The following GALC variants were observed in gnomAD, a reference collection of about 807,000 sequenced individuals.
The protein encoded by GALC is galactocerebrosidase.
In GALC, 77 loss-of-function variants were observed where a neutral mutation model predicts 91.8. That is an observed-to-expected ratio of 0.84 (90% confidence interval 0.70 to 1.01). The LOEUF is 1.01. GALC is among the 50% of genes least tolerant of loss of function. The pLI is 0.00. For synonymous variants in GALC, 357 were observed against 306.7 expected (o/e 1.16, Z -1.71); for missense variants, 882 against 855.9 (o/e 1.03, Z -0.38).
At chr14:87,954,909 T>A in intron 10 of GALC, 1 of 1,566,440 alleles carries the variant, frequency 6.4e-7, no homozygotes, top group Middle Eastern at 2.1e-4. Context: ...TGACTGTAGT[T>A]GATGGAAGAC....
chr14:87,985,936 A>G (rs1433840704), intron 4 of GALC, among the ~76,000 whole-genome samples: 1 of 152,176 alleles, frequency 6.6e-6, no homozygotes, highest in Non-Finnish European at 1.5e-5. Context: ...GAGTCCCAGA[A>G]CAGTAACCAG....
At chr14:87,965,477 G>T (rs144489967) in intron 9 of GALC, 28 bp downstream of exon 9, 45 of 1,611,124 alleles carry the variant, frequency 2.8e-5, no homozygotes, top group Non-Finnish European at 3.8e-5. Context: ...GAAGAATTTA[G>T]GGAGTGAGAG....
At chr14:87,947,579 T>C in intron 13 of GALC, 149 bp downstream of exon 13, 2 of 750,156 alleles carry the variant, frequency 2.7e-6, no homozygotes, top group Non-Finnish European at 2.3e-6. Context: ...TGCAAAAAAT[T>C]AGCCCTCCTT....
intron 14 of GALC, 34 bp from the exon 15 acceptor site, chr14:87,941,592 A>T: frequency 7.4e-7 from 1 of 1,358,942 alleles, no homozygotes; most frequent in South Asian, 1.2e-5. Context: ...GTACTCTTTA[A>T]AATATGCCCT....
At position 87,934,728 on chromosome 14, in the gene GALC, A is replaced by T; in HGVS notation, c.*4T>A. ...CAGAGTATTCTATGATGCCCTGTTA[A>T]GTATTAGCGTGTGGCTTCCACAAGA... On this transcript the variant is annotated 3_prime_UTR_variant, in exon 17 of 17. Transcript: ENST00000261304. The T allele has an allele frequency of 6.2e-7, 1 of 1,613,176 alleles. No homozygotes were observed. The highest frequency in any genetic ancestry group is 8.5e-7 in the Non-Finnish European group (1 of 1,179,396).
rs979333006 is a variant in GALC, at chr14:87,976,397, A to G, written c.713T>C (p.Leu238Pro). 6.2e-7 allele frequency: 1 copy of G among 1,613,946 alleles called. No individual in the cohort carries two copies. Among genetic ancestry groups the G allele is most frequent in the Non-Finnish European group, 8.5e-7 (1 of 1,179,790 alleles). ...CACCTTGAAGAGTTCGGCATCAAGGAGCATGGATGCAGAGATGGACTCCCA... is the reference window on the plus strand; with the variant it reads ...CACCTTGAAGAGTTCGGCATCAAGGGGCATGGATGCAGAGATGGACTCCCA... ...NLWESISASMLLDAELFKVVD... is the reference protein window; with the variant it reads ...NLWESISASMPLDAELFKVVD... The change falls in exon 7 of 17, where the codon CTC becomes CCC. Residue 238 changes from leucine to proline, a missense_variant. Coordinates refer to ENST00000261304, the MANE Select transcript of GALC (RefSeq NM_000153.4).
intron 6 of GALC, 129 bp from the exon 7 acceptor site, chr14:87,976,617 G>A: frequency 1.2e-6 from 1 of 817,842 alleles, no homozygotes; most frequent in South Asian, 1.5e-5. Flanking sequence ...TTGTTTGTTT[G>A]TTTGTTTGTT....
At position 87,934,438 on chromosome 14, in the gene GALC, G is replaced by A. The variant is rs1884483903; in HGVS notation, c.*294C>T. ...AGAGCTACCTCAGTGTTAGCAGCAA[G>A]GCTTCGAGGTCTGTACTACTCAAAC... On this transcript the variant is annotated 3_prime_UTR_variant, in exon 17 of 17. Coordinates refer to ENST00000261304, the MANE Select transcript of GALC (RefSeq NM_000153.4). 7.6e-7 allele frequency: 1 copy of A among 1,310,792 alleles called. No individual in the cohort carries two copies. Among genetic ancestry groups the A allele is most frequent in the Non-Finnish European group, 9.8e-7 (1 of 1,024,392 alleles). 81.2% of individuals were successfully genotyped at this position (1,310,792 alleles called of 1,614,324 possible).
intron 7 of GALC, among the ~76,000 whole-genome samples, chr14:87,970,772 G>A (rs1279445616): frequency 1.3e-5 from 2 of 150,432 alleles, no homozygotes; most frequent in African/African-American, 4.9e-5. Flanking sequence ...GGGAGGCTGA[G>A]GCAGGAGAAT....
At chr14:87,971,893 AG>A (rs1462428099) in intron 7 of GALC, among the ~76,000 whole-genome samples, 1 of 151,914 alleles carries the variant, frequency 6.6e-6, no homozygotes, top group East Asian at 1.9e-4. Flanking sequence ...GTAGAATCCA[AG>A]TTGAATAAGG....
At chr14:87,958,205 G>T (rs574162209) in intron 10 of GALC, among the ~76,000 whole-genome samples, 1 of 152,038 alleles carries the variant, frequency 6.6e-6, no homozygotes, top group Admixed American at 6.6e-5. Flanking sequence ...TTCGCAGCAC[G>T]CAGTGTTGTG....
At chr14:87,968,720 C>T (rs1886158750) in intron 7 of GALC, among the ~76,000 whole-genome samples, 1 of 152,156 alleles carries the variant, frequency 6.6e-6, no homozygotes, top group African/African-American at 2.4e-5. Flanking sequence ...AAACCTACAA[C>T]AGCATACAGG....
At position 87,941,573 on chromosome 14, in the gene GALC, G is replaced by A. The variant is rs12432149; in HGVS notation, c.1671-15C>T. 0.52 allele frequency: 781,899 copies of A among 1,498,288 alleles called. 210,020 individuals carry two copies. Among genetic ancestry groups the A allele is most frequent in the East Asian group, 0.76 (33,386 of 44,120 alleles). The allele number at this position is 1,498,288 out of a possible 1,614,324, so 92.8% of individuals were successfully genotyped here. On this transcript the variant is annotated splice_polypyrimidine_tract_variant and intron_variant, in intron 14 of 16. Transcript: ENST00000261304. ...TCAGATTGGTCCTGCAAAATAAAAC[G>A]GTTGATTAGTACTCTTTAAAATATG...
chr14:87,979,759 T>C (rs1231650120), intron 6 of GALC, among the ~76,000 whole-genome samples: 1 of 152,234 alleles, frequency 6.6e-6, no homozygotes, highest in Non-Finnish European at 1.5e-5. Context: ...AAAAAGTTCA[T>C]CACCTTTCAC....
At position 87,976,365 on chromosome 14, in the gene GALC, C is replaced by A. The variant is rs779529654; in HGVS notation, c.745G>T (p.Val249Phe). ...AAGTAAAACATGCCTTACCCTATAA[C>A]ATCAACCACCTTGAAGAGTTCGGCA... ...LDAELFKVVD[V>F]IGAHYPGTHS... Residue 249 changes from valine to phenylalanine, a missense_variant, in exon 7 of 17, where the codon GTT (valine) becomes TTT (phenylalanine). Transcript: ENST00000261304. The A allele has an allele frequency of 6.2e-7, 1 of 1,613,892 alleles. No homozygotes were observed. The highest frequency in any genetic ancestry group is 8.5e-7 in the Non-Finnish European group (1 of 1,180,006).
At chr14:87,965,027 A>G (rs1055806369) in intron 9 of GALC, among the ~76,000 whole-genome samples, 2 of 152,130 alleles carry the variant, frequency 1.3e-5, no homozygotes, top group Non-Finnish European at 2.9e-5. Flanking sequence ...CATAACTTTC[A>G]TATTTACTTA....
intron 15 of GALC, 129 bp downstream of exon 15, chr14:87,941,266 C>T: frequency 2.9e-6 from 2 of 685,092 alleles, no homozygotes; most frequent in South Asian, 1.7e-5. Flanking sequence ...TTGCTTACAT[C>T]CCTTCCCAAT....
At chr14:87,976,572 T>C (rs2140016652) in intron 6 of GALC, 84 bp from the exon 7 acceptor site, 1 of 1,109,402 alleles carries the variant, frequency 9.0e-7, no homozygotes, top group East Asian at 2.4e-5. Flanking sequence ...GATAAAGTTA[T>C]CTTTACAAAT....
At chr14:87,938,039 A>G (rs1211406963) in intron 16 of GALC, among the ~76,000 whole-genome samples, 1 of 151,972 alleles carries the variant, frequency 6.6e-6, no homozygotes, top group African/African-American at 2.4e-5. Flanking sequence ...CGAATAATAT[A>G]TATAGTGGAA....
Sources: allele counts gnomAD v4.1 joint callset (sites outside exome capture counted in the v4.1 genomes callset), GRCh38; gene constraint gnomAD v4.1.1; transcripts MANE v1.5; gene names NCBI Gene and HGNC (gene_info 2026-07-23, HGNC 2026-07-21).